VPS54: variants seen among roughly 807,000 people sequenced by gnomAD.
VPS54 encodes the protein vacuolar protein sorting-associated protein 54.
Under a neutral mutation model 121.5 loss-of-function variants are expected in VPS54, and 45 were observed. The ratio of observed to expected loss-of-function variants is 0.37; its 90% CI spans 0.29 to 0.47. The LOEUF is 0.47. Among genes scored for constraint, VPS54 ranks in the 20% least tolerant of loss-of-function variants. The pLI, the probability that VPS54 is intolerant of heterozygous loss-of-function variation, is 0.99. For missense variants in VPS54, 1,090 were observed against 1,131.4 expected (o/e 0.96, Z 0.52); for synonymous variants, 371 against 385.8 (o/e 0.96, Z 0.45).
chr2:63,937,302 C>A (rs952934865), intron 11 of VPS54, among the ~76,000 whole-genome samples: 1 of 151,664 alleles, frequency 6.6e-6, no homozygotes, highest in Non-Finnish European at 1.5e-5. Flanking sequence ...AACTCAACAA[C>A]AAAAAAACCA....
chr2:63,907,170 A>G (rs2104419433), intron 20 of VPS54, among the ~76,000 whole-genome samples: 1 of 152,306 alleles, frequency 6.6e-6, no homozygotes, highest in Admixed American at 6.5e-5. Context: ...ATAAAACCTA[A>G]AACAATAACA....
Position 63,920,779 on chromosome 2 carries a change from A to C in VPS54, c.1870-152T>G, listed in dbSNP as rs1048100296. ...CCCAGAAATTGAGCATGAAATGCTT[A>C]AGAGGTCCAAATTTGATTCTGATCC... On this transcript the variant is annotated intron_variant, in intron 13 of 22. Transcript: ENST00000272322. 3.9e-5 allele frequency: 16 copies of C among 407,874 alleles called. No individual in the cohort carries two copies. The Admixed American group carries it at 6.4e-4, about 16-fold the overall frequency. The allele number at this position is 407,874 out of a possible 1,614,324, so 25.3% of individuals were successfully genotyped here. A position where few individuals can be genotyped will look rare whatever the true frequency, so the allele number is the denominator to read the frequency against.
At chr2:63,969,026 A>C in intron 4 of VPS54, 35 bp from the exon 5 acceptor site, 1 of 1,548,090 alleles carries the variant, frequency 6.5e-7, no homozygotes, top group Non-Finnish European at 8.8e-7. Context: ...TATTTTTAAA[A>C]CTTGTTTTCA....
intron 12 of VPS54, among the ~76,000 whole-genome samples, chr2:63,923,385 G>A (rs187760162): frequency 1.4e-4 from 22 of 151,940 alleles, no homozygotes; most frequent in East Asian, 9.6e-4. Flanking sequence ...AAAAACAAAC[G>A]AATTCAAACA....
chr2:63,995,890 T>C (rs1463064590), intron 1 of VPS54, among the ~76,000 whole-genome samples: 1 of 152,216 alleles, frequency 6.6e-6, no homozygotes, highest in East Asian at 1.9e-4. Flanking sequence ...TCTCTCAAGC[T>C]CATTTATCCA....
At chr2:63,994,949 C>T (rs553200749) in intron 1 of VPS54, among the ~76,000 whole-genome samples, 1 of 152,258 alleles carries the variant, frequency 6.6e-6, no homozygotes, top group South Asian at 2.1e-4. Flanking sequence ...ATTGGGAGAA[C>T]GAGAATCATC....
chr2:63,904,088 G>A (rs1025588595), intron 20 of VPS54, among the ~76,000 whole-genome samples: 2 of 152,026 alleles, frequency 1.3e-5, no homozygotes, highest in Non-Finnish European at 2.9e-5. Flanking sequence ...AAATTGGAAT[G>A]GTTACATTTG....
chr2:63,942,856 T>C (rs1005965196), intron 10 of VPS54, among the ~76,000 whole-genome samples: 3 of 152,168 alleles, frequency 2.0e-5, no homozygotes, highest in Admixed American at 6.6e-5. Context: ...GGAATAAAAA[T>C]GGAAACATAC....
intron 12 of VPS54, among the ~76,000 whole-genome samples, chr2:63,926,958 T>TTGAGTAGGCAGTTC (rs1673934948): frequency 6.6e-6 from 1 of 152,116 alleles, no homozygotes; most frequent in African/African-American, 2.4e-5. Flanking sequence ...TTGCTGAGGC[T>TTGAGTAGGCAGTTC]TGAGTAGGCA....
chr2:63,917,958 CT>C (rs1279295694), intron 15 of VPS54, among the ~76,000 whole-genome samples: 1 of 151,932 alleles, frequency 6.6e-6, no homozygotes, highest in East Asian at 1.9e-4. Flanking sequence ...ATGTAAAATA[CT>C]TAGAACAAAA....
chr2:63,930,040 A>C, intron 12 of VPS54, among the ~76,000 whole-genome samples: 1 of 152,228 alleles, frequency 6.6e-6, no homozygotes, highest in East Asian at 1.9e-4. Context: ...CAACCAAAAA[A>C]AGTTCAGGAC....
intron 1 of VPS54, among the ~76,000 whole-genome samples, chr2:63,991,667 C>T (rs1448382953): frequency 6.6e-6 from 1 of 152,184 alleles, no homozygotes; most frequent in Non-Finnish European, 1.5e-5. Context: ...AAGTACTTGC[C>T]ACTCTAAGTA....
intron 20 of VPS54, among the ~76,000 whole-genome samples, chr2:63,910,556 A>G (rs756500996): frequency 1.3e-4 from 20 of 152,204 alleles, no homozygotes; most frequent in Non-Finnish European, 2.5e-4. Flanking sequence ...TAGGTGTGAT[A>G]ATAGTGTGGT....
At position 63,893,388 on chromosome 2, in the gene VPS54, C is replaced by T. The variant is rs749016397; in HGVS notation, c.*42G>A. 3.9e-6 allele frequency: 6 copies of T among 1,523,854 alleles called. No homozygotes were observed. The Admixed American group carries it at 6.7e-5, about 17-fold the overall frequency. The allele number at this position is 1,523,854 out of a possible 1,614,324, so 94.4% of individuals were successfully genotyped here. A position where few individuals can be genotyped will look rare whatever the true frequency, so the allele number is the denominator to read the frequency against. On this transcript the variant is annotated 3_prime_UTR_variant, in exon 23 of 23. Transcript: ENST00000272322. ...ATCCAGATTTTCTTCATAACAAACACATCCCATGGTCAGATGAACTACCCA... is the reference window on the plus strand; with the variant it reads ...ATCCAGATTTTCTTCATAACAAACATATCCCATGGTCAGATGAACTACCCA...
chr2:64,003,742 G>T (rs957515062), intron 1 of VPS54, among the ~76,000 whole-genome samples: 2 of 152,134 alleles, frequency 1.3e-5, no homozygotes, highest in South Asian at 4.1e-4. Context: ...CCAAGGATGA[G>T]TAAATAGAGA....
At chr2:63,930,348 G>T (rs1465355374) in intron 12 of VPS54, among the ~76,000 whole-genome samples, 1 of 151,848 alleles carries the variant, frequency 6.6e-6, no homozygotes. Context: ...GGGATGCAAG[G>T]CTGGTTTGAC....
rs1394481345 is a variant in VPS54, at chr2:63,925,378, T to G, written c.1740-4043A>C. 2.0e-5 allele frequency among the ~76,000 whole-genome samples: 3 copies of G among 152,174 alleles called. No individual in the cohort carries two copies. The East Asian group carries it at 5.8e-4, about 29-fold the overall frequency. Reference sequence around the variant, plus strand: ...CTAACATGTAAAAGACTGGCAATATTAAGAGTGAAGGAAGATGTGGAGTGA... The same window carrying G: ...CTAACATGTAAAAGACTGGCAATATGAAGAGTGAAGGAAGATGTGGAGTGA... On this transcript the variant is annotated intron_variant, in intron 12 of 22. Coordinates refer to ENST00000272322, the MANE Select transcript of VPS54 (RefSeq NM_016516.3).
chr2:63,952,594 C>A (rs1043304256), intron 7 of VPS54, among the ~76,000 whole-genome samples: 2 of 152,084 alleles, frequency 1.3e-5, no homozygotes, highest in East Asian at 3.9e-4. Context: ...TTATAAACAA[C>A]ATATGGTAAG....
intron 3 of VPS54, among the ~76,000 whole-genome samples, chr2:63,976,825 CTT>C (rs1174931536): frequency 0.026 from 2,312 of 89,466 alleles, 16 homozygotes; most frequent in Middle Eastern, 0.093. Context: ...TATATCTTCT[CTT>C]TTTTTTTTTT....
Sources: gnomAD v4.1 joint callset for allele counts (sites outside exome capture counted in the v4.1 genomes callset) on GRCh38, gnomAD v4.1.1 for gene constraint, MANE v1.5 for transcripts, NCBI Gene and HGNC (gene_info 2026-07-23, HGNC 2026-07-21) for gene names.